The following PALM2AKAP2 variants were observed in gnomAD, a reference collection of about 807,000 sequenced individuals.
The protein encoded by PALM2AKAP2 is PALM2-AKAP2 fusion protein.
A neutral mutation model predicts 71.5 loss-of-function variants in PALM2AKAP2; 37 were observed. The ratio of observed to expected loss-of-function variants is 0.52; its 90% CI spans 0.40 to 0.68. The LOEUF (loss-of-function observed/expected upper bound fraction) is 0.68, where lower values mean the gene tolerates loss of function less well. Among genes scored for constraint, PALM2AKAP2 ranks in the 30% least tolerant of loss-of-function variants. PALM2AKAP2 has a pLI of 0.00. For missense variants in PALM2AKAP2, 1,224 were observed against 1,191.8 expected (o/e 1.03, Z -0.40); for synonymous variants, 468 against 478.8 (o/e 0.98, Z 0.29).
intron 7 of PALM2AKAP2, among the ~76,000 whole-genome samples, chr9:110,041,912 G>C (rs1174542117): frequency 6.6e-6 from 1 of 152,116 alleles, no homozygotes; most frequent in East Asian, 1.9e-4. Flanking sequence ...TTCTTTTCTT[G>C]TTTTCCAGCT....
intron 5 of PALM2AKAP2, among the ~76,000 whole-genome samples, chr9:109,931,152 GT>G (rs1257980969): frequency 6.6e-6 from 1 of 152,128 alleles, no homozygotes; most frequent in African/African-American, 2.4e-5. Flanking sequence ...TACCTCAGGG[GT>G]TTCCTCCTTT....
At chr9:110,141,599 T>C (rs899821495) in intron 2 of PALM2AKAP2, among the ~76,000 whole-genome samples, 3 of 152,208 alleles carry the variant, frequency 2.0e-5, no homozygotes, top group African/African-American at 7.2e-5. Flanking sequence ...GCAGCCAAAC[T>C]AGACAATTCA....
At chr9:109,986,344 G>A (rs575278270) in intron 6 of PALM2AKAP2, among the ~76,000 whole-genome samples, 3 of 152,266 alleles carry the variant, frequency 2.0e-5, no homozygotes, top group South Asian at 4.1e-4. Context: ...TAATTTAGCT[G>A]TCAATACTAT....
intron 1 of PALM2AKAP2, among the ~76,000 whole-genome samples, chr9:109,806,697 G>C (rs1827581825): frequency 6.6e-6 from 1 of 152,212 alleles, no homozygotes; most frequent in South Asian, 2.1e-4. Context: ...GTGCTGGCCT[G>C]AGCTGAGATC....
intron 1 of PALM2AKAP2, among the ~76,000 whole-genome samples, chr9:110,055,888 C>T (rs1051779874): frequency 2.6e-5 from 4 of 152,296 alleles, no homozygotes; most frequent in African/African-American, 7.2e-5. Context: ...CACCATACCA[C>T]AGCAAGTTCC....
At chr9:109,792,223 T>C (rs1038061145) in intron 1 of PALM2AKAP2, among the ~76,000 whole-genome samples, 2 of 152,172 alleles carry the variant, frequency 1.3e-5, no homozygotes, top group Non-Finnish European at 2.9e-5. Flanking sequence ...TCATCAGTTC[T>C]CTGTAAGAAG....
chr9:109,714,061 A>G (rs1828281629), intron 1 of PALM2AKAP2, among the ~76,000 whole-genome samples: 2 of 152,354 alleles, frequency 1.3e-5, no homozygotes, highest in Non-Finnish European at 2.9e-5. Context: ...ATTAAAAAAA[A>G]TTAATTAGCT....
intron 1 of PALM2AKAP2, among the ~76,000 whole-genome samples, chr9:110,097,740 C>G (rs1834888604): frequency 6.9e-6 from 1 of 144,128 alleles, no homozygotes; most frequent in African/African-American, 2.8e-5. Context: ...AGAGACGCTC[C>G]TCACTTCCCA....
chr9:109,973,505 G>A (rs965903847), intron 6 of PALM2AKAP2, among the ~76,000 whole-genome samples: 2 of 152,182 alleles, frequency 1.3e-5, no homozygotes, highest in African/African-American at 2.4e-5. Context: ...GATGTGGCAC[G>A]TGTAGCTTAT....
At chr9:109,795,101 T>C (rs1465432365) in intron 1 of PALM2AKAP2, among the ~76,000 whole-genome samples, 3 of 152,256 alleles carry the variant, frequency 2.0e-5, no homozygotes, top group African/African-American at 4.8e-5. Context: ...GATAATTTTC[T>C]GCTGTCTGTG....
At chr9:109,880,555 A>T (rs371404365) in exon 3 of PALM2AKAP2, 65 of 1,612,616 alleles carry the variant, frequency 4.0e-5, no homozygotes, top group Non-Finnish European at 3.2e-5. Flanking sequence ...CCACAGTCCA[A>T]AGTGCTTCGG....
chr9:109,647,826 A>G (rs1015529681), intron 1 of PALM2AKAP2, among the ~76,000 whole-genome samples: 1 of 152,214 alleles, frequency 6.6e-6, no homozygotes, highest in Non-Finnish European at 1.5e-5. Context: ...TGATCAAGTG[A>G]TTGTTTTACA....
At chr9:109,740,485 G>A (rs12343459) in intron 1 of PALM2AKAP2, among the ~76,000 whole-genome samples, 39,753 of 151,916 alleles carry the variant, frequency 0.26, 5,414 homozygotes, top group East Asian at 0.37. Flanking sequence ...ACAATTTCCA[G>A]ACAGAGGCAA....
chr9:109,777,438 A>G (rs1019302924), upstream of PALM2AKAP2, among the ~76,000 whole-genome samples: 5 of 152,170 alleles, frequency 3.3e-5, no homozygotes, highest in African/African-American at 1.2e-4. Flanking sequence ...TGCCTGACCT[A>G]AAAACCCTTT....
rs572384230 is a variant in PALM2AKAP2, at chr9:109,762,863, G to T, written c.6-17625G>T. Among the ~76,000 whole-genome samples the T allele has an allele frequency of 4.6e-5, 7 of 152,304 alleles. No individual in the cohort carries two copies. In the South Asian group the frequency reaches 1.5e-3, roughly 32 times the overall value. Reference sequence around the variant, plus strand: ...TGCCCCTCCTTCCCATTCCCCAGGGGGTGGAGGGGAGGAAAGAGATGGGAA... The same window carrying T: ...TGCCCCTCCTTCCCATTCCCCAGGGTGTGGAGGGGAGGAAAGAGATGGGAA... On this transcript the variant is annotated intron_variant, in intron 1 of 6. Coordinates refer to the PALM2AKAP2 transcript ENST00000374531.
chr9:110,146,701 C>T (rs1418116650), intron 2 of PALM2AKAP2, among the ~76,000 whole-genome samples: 1 of 152,164 alleles, frequency 6.6e-6, no homozygotes, highest in Non-Finnish European at 1.5e-5. Context: ...TTGCTGTGTA[C>T]TTCCCTAAGG....
At chr9:109,853,151 G>A (rs1829066007) in intron 1 of PALM2AKAP2, among the ~76,000 whole-genome samples, 1 of 152,084 alleles carries the variant, frequency 6.6e-6, no homozygotes, top group Non-Finnish European at 1.5e-5. Context: ...TGTAATGGAG[G>A]GATAATAGAA....
intron 1 of PALM2AKAP2, among the ~76,000 whole-genome samples, chr9:109,763,982 C>G (rs1274633037): frequency 6.6e-6 from 1 of 152,166 alleles, no homozygotes; most frequent in Non-Finnish European, 1.5e-5. Flanking sequence ...TCTGCAAAGA[C>G]TCTAAGTGAA....
chr9:109,922,228 C>T (rs865961153), intron 3 of PALM2AKAP2, among the ~76,000 whole-genome samples: 4 of 151,546 alleles, frequency 2.6e-5, no homozygotes, highest in Non-Finnish European at 2.9e-5. Context: ...AAGACCCACG[C>T]AGGCAACATA....
Sources: allele counts gnomAD v4.1 joint callset (sites outside exome capture counted in the v4.1 genomes callset), GRCh38; gene constraint gnomAD v4.1.1; transcripts MANE v1.5; gene names NCBI Gene and HGNC (gene_info 2026-07-23, HGNC 2026-07-21).